The following LYST variants were observed in gnomAD, a reference collection of about 807,000 sequenced individuals.
The protein encoded by LYST is lysosomal trafficking regulator.
LYST carries 192 observed loss-of-function variants against 413.6 expected under a neutral mutation model. The observed-to-expected ratio is 0.46, with a 90% CI of 0.41 to 0.52. The LOEUF (loss-of-function observed/expected upper bound fraction) is 0.52, where lower values mean the gene tolerates loss of function less well. LYST is among the 20% of genes least tolerant of loss of function. The pLI is 0.00. For missense variants in LYST, 3,815 were observed against 4,499.9 expected (o/e 0.85, Z 4.35); for synonymous variants, 1,525 against 1,567.3 (o/e 0.97, Z 0.64).
chr1:235,720,396 A>G (rs1663258219), intron 40 of LYST, among the ~76,000 whole-genome samples: 1 of 152,064 alleles, frequency 6.6e-6, no homozygotes, highest in East Asian at 1.9e-4. Context: ...GAGATGTTCT[A>G]TTTTTTAAAG....
At position 235,775,049 on chromosome 1, in the gene LYST, A is replaced by G. The variant is rs1443937465; in HGVS notation, c.5498T>C (p.Leu1833Ser). 1.9e-6 allele frequency: 3 copies of G among 1,611,952 alleles called. No individual in the cohort carries two copies. In the African/African-American group the frequency reaches 4.0e-5, roughly 22 times the overall value. ...ELSSCEETQA[L>S]ALRVILSLIK... The stretch of plus-strand genomic sequence containing the variant: ...TAATGAGAGTATAACTCGCAGTGCT[A>G]ATGCTTGAGTTTCTTCACAGCTACT... The change falls in exon 18 of 53, where the codon TTA (leucine) becomes TCA (serine). Residue 1833 changes from leucine to serine, a missense_variant. Transcript: ENST00000389793.
At chr1:235,721,810 C>A (rs1663394406) in intron 39 of LYST, among the ~76,000 whole-genome samples, 1 of 152,140 alleles carries the variant, frequency 6.6e-6, no homozygotes, top group African/African-American at 2.4e-5. Flanking sequence ...ATTTATTCAA[C>A]AAATATGAAC....
intron 1 of LYST, among the ~76,000 whole-genome samples, chr1:235,876,322 C>T (rs1432192333): frequency 6.6e-6 from 1 of 152,130 alleles, no homozygotes; most frequent in Non-Finnish European, 1.5e-5. Context: ...GTTTTCCCTC[C>T]CTCTCCTGCT....
In LYST at chr1:235,712,051, C is replaced by T. The variant is rs1352434011; in HGVS notation, c.9925+6G>A. Reference sequence around the variant, plus strand: ...AATATAAATTAAAAATAATTTATTGCTATACCTTCACGGTTAACTAGGAAC... The same window carrying T: ...AATATAAATTAAAAATAATTTATTGTTATACCTTCACGGTTAACTAGGAAC... On this transcript the variant is annotated splice_donor_region_variant and intron_variant, in intron 43 of 52. Coordinates refer to ENST00000389793, the MANE Select transcript of LYST (RefSeq NM_000081.4). 9 of 1,528,698 alleles carry T rather than the reference C, an allele frequency of 5.9e-6. No individual in the cohort carries two copies. The highest frequency in any genetic ancestry group is 2.5e-5 in the South Asian group (2 of 80,642). The allele number at this position is 1,528,698 out of a possible 1,614,324, so 94.7% of individuals were successfully genotyped here. A position where few individuals can be genotyped will look rare whatever the true frequency, so the allele number is the denominator to read the frequency against.
At chr1:235,698,043 G>T (rs1416052679) in intron 45 of LYST, among the ~76,000 whole-genome samples, 1 of 152,062 alleles carries the variant, frequency 6.6e-6, no homozygotes, top group African/African-American at 2.4e-5. Context: ...AAGAAGAAAA[G>T]ACATGATGCC....
At chr1:235,839,105 G>A (rs145150526) in intron 1 of LYST, among the ~76,000 whole-genome samples, 1,730 of 152,136 alleles carry the variant, frequency 0.011, 44 homozygotes, top group African/African-American at 0.04. Flanking sequence ...GATTACAGGC[G>A]TGAGCCACTG....
At chr1:235,781,857 G>T in intron 15 of LYST, 70 bp downstream of exon 15, 1 of 1,072,218 alleles carries the variant, frequency 9.3e-7, no homozygotes, top group Non-Finnish European at 1.4e-6. Flanking sequence ...AACTGGAAAT[G>T]TTTCAAAGGA....
At chr1:235,775,440 C>T (rs908373294) in intron 17 of LYST, among the ~76,000 whole-genome samples, 29 of 152,246 alleles carry the variant, frequency 1.9e-4, no homozygotes, top group African/African-American at 6.7e-4. Flanking sequence ...ATACATGATA[C>T]TTGTTCCCAA....
rs575246194 is a variant in LYST, at chr1:235,809,709, T to C, written c.1109A>G (p.Gln370Arg). Residue 370 changes from glutamine to arginine, a missense_variant, in exon 5 of 53, where the codon CAG (glutamine) becomes CGG (arginine). Physicochemically the swap from Gln to Arg is conservative, Grantham distance 43. Transcript: ENST00000389793. This position sits in a 1 kb window ranked among gnomAD's most constrained non-coding sequence, Gnocchi z 4.0. Reference protein sequence around the residue: ...ALKIRICLEKQPDPFAPRQKK... With the variant: ...ALKIRICLEKRPDPFAPRQKK... The stretch of plus-strand genomic sequence containing the variant: ...TTGTCTTGGTGCAAAAGGGTCAGGC[T>C]GCTTTTCTAGGCATATTCTAATTTT... 1.9e-6 allele frequency: 3 copies of C among 1,613,686 alleles called. No homozygotes were observed. In the East Asian group the frequency reaches 6.7e-5, roughly 36 times the overall value.
rs1572459100 is a variant in LYST, at chr1:235,852,943, A to G, written c.-98+13900T>C. The G allele has an allele frequency of 1.8e-5, 3 of 170,434 alleles. 1 individual carries two copies. In the East Asian group the frequency reaches 5.8e-4, roughly 33 times the overall value. The allele number at this position is 170,434 out of a possible 1,614,324, so 10.6% of individuals were successfully genotyped here. A position where few individuals can be genotyped will look rare whatever the true frequency, so the allele number is the denominator to read the frequency against. ...TTGACAGACTACTCACAACCAAACT[A>G]TATCTTTCAGAATTCTACCTTTCAG... is the stretch of plus-strand genomic sequence containing the variant. On this transcript the variant is annotated intron_variant, in intron 1 of 52. Transcript: ENST00000389793.
chr1:235,685,643 C>T (rs758000419), intron 48 of LYST, among the ~76,000 whole-genome samples: 4 of 151,910 alleles, frequency 2.6e-5, no homozygotes, highest in Non-Finnish European at 4.4e-5. Context: ...CTCAGGAGCT[C>T]GAGACCAGTC....
At position 235,813,076 on chromosome 1, in the gene LYST, A is replaced by G. The variant is rs1309070509; in HGVS notation, c.193-15T>C. The G allele has an allele frequency of 1.4e-6, 2 of 1,443,112 alleles. No individual in the cohort carries two copies. Among genetic ancestry groups the G allele is most frequent in the Admixed American group, 1.7e-5 (1 of 59,742 alleles). 89.4% of individuals were successfully genotyped at this position (1,443,112 alleles called of 1,614,324 possible). ...CATGTCAATGCCTATGTCAGTAACA[A>G]AAGAATCCTTCATGTTCTAAGGCGA... On this transcript the variant is annotated splice_polypyrimidine_tract_variant and intron_variant, in intron 3 of 52. Coordinates refer to ENST00000389793, the MANE Select transcript of LYST (RefSeq NM_000081.4).
intron 45 of LYST, 134 bp downstream of exon 45, chr1:235,702,613 T>C (rs1661634664): frequency 1.3e-6 from 1 of 768,200 alleles, no homozygotes; most frequent in Non-Finnish European, 2.3e-6. Context: ...CTGCTTTCGC[T>C]GCTGCACCTG....
chr1:235,673,154 G>A (rs1659086865), intron 50 of LYST, among the ~76,000 whole-genome samples: 1 of 152,062 alleles, frequency 6.6e-6, no homozygotes, highest in Non-Finnish European at 1.5e-5. Flanking sequence ...CAAAGCCATG[G>A]ACCACTGTCC....
intron 15 of LYST, 127 bp from the exon 16 acceptor site, chr1:235,781,182 T>C (rs1669836192): frequency 3.0e-6 from 2 of 667,840 alleles, no homozygotes; most frequent in Non-Finnish European, 2.6e-6. Flanking sequence ...TTTTATAAAA[T>C]TGATAAAGCC....
At chr1:235,785,979 T>C (rs1479155020) in intron 14 of LYST, among the ~76,000 whole-genome samples, 1 of 152,200 alleles carries the variant, frequency 6.6e-6, no homozygotes, top group Non-Finnish European at 1.5e-5. Flanking sequence ...TTTCTAGCAC[T>C]CTATCTGAAT....
chr1:235,697,047 T>C (rs1272920270), intron 46 of LYST, 36 bp downstream of exon 46: 4 of 1,580,024 alleles, frequency 2.5e-6, no homozygotes, highest in South Asian at 1.1e-5. Context: ...TCACGAAAGA[T>C]ATATCCAGAA....
At position 235,755,646 on chromosome 1, in the gene LYST, A is replaced by G. The variant is rs1196153065; in HGVS notation, c.7061T>C (p.Leu2354Pro). ...TGCTCTAGCAAAATATGCATCTAAT[A>G]GCTAAACAAAAAATTTAAGTCAATT... ...SPAIQQGVIK[L>P]LDAYFARASK... The change falls in exon 25 of 53, where the codon CTA becomes CCA. Residue 2354 changes from leucine to proline, a missense_variant and splice_region_variant. By Grantham distance (98) the Leu-to-Pro change is moderately conservative. Coordinates refer to ENST00000389793, the MANE Select transcript of LYST (RefSeq NM_000081.4). 1 of 1,582,316 alleles carries G rather than the reference A, an allele frequency of 6.3e-7. No individual in the cohort carries two copies. Among genetic ancestry groups the G allele is most frequent in the Non-Finnish European group, 8.7e-7 (1 of 1,151,566 alleles).
intron 1 of LYST, among the ~76,000 whole-genome samples, chr1:235,842,111 G>C (rs1287485725): frequency 6.6e-6 from 1 of 152,090 alleles, no homozygotes; most frequent in African/African-American, 2.4e-5. Flanking sequence ...ATCTGGAAAT[G>C]GGAGTTTTGG....
Sources: allele counts gnomAD v4.1 joint callset (sites outside exome capture counted in the v4.1 genomes callset), GRCh38; gene constraint gnomAD v4.1.1; non-coding constraint Gnocchi (gnomAD v3.1); transcripts MANE v1.5; gene names NCBI Gene and HGNC (gene_info 2026-07-23, HGNC 2026-07-21).